The following COPS7A variants were observed in gnomAD, a reference collection of about 807,000 sequenced individuals.
COPS7A encodes COP9 signalosome subunit 7A, also known as COP9 signalosome complex subunit 7a.
Under a neutral mutation model 35.2 loss-of-function variants are expected in COPS7A, and 20 were observed. That is an observed-to-expected ratio of 0.57 (90% CI 0.40 to 0.83). The LOEUF is 0.83. COPS7A is among the 40% of genes least tolerant of loss of function. COPS7A has a pLI of 0.00. For missense variants in COPS7A, 247 were observed against 347.5 expected, an observed-to-expected ratio of 0.71 and a Z score of 2.30; for synonymous variants, 139 against 141.4, an observed-to-expected ratio of 0.98 and a Z score of 0.12.
Position 6,730,745 on chromosome 12 carries a change from A to G in COPS7A, c.713A>G (p.His238Arg). 1.2e-6 allele frequency: 2 copies of G among 1,614,120 alleles called. No homozygotes were observed. The highest frequency in any genetic ancestry group is 1.7e-6 in the Non-Finnish European group (2 of 1,180,018). Residue 238 changes from histidine (H) to arginine (R), a missense_variant, in exon 7 of 8, where the codon CAC becomes CGC. Physicochemically the swap from His to Arg is conservative, Grantham distance 29. Coordinates refer to ENST00000543155, the MANE Select transcript of COPS7A (RefSeq NM_001164094.2). The part of the protein sequence containing the change: ...AAATSQDPEQ[H>R]LTELREPAPG... ...GCCACATCTCAGGACCCTGAGCAAC[A>G]CCTGACTGAGCTGAGGGAACCAGCT...
In COPS7A at chr12:6,729,195, C is replaced by T. The variant is rs368131270; in HGVS notation, c.328-52C>T. 1.7e-3 allele frequency: 2,721 copies of T among 1,590,206 alleles called. 6 individuals carry two copies. Among genetic ancestry groups the T allele is most frequent in the Non-Finnish European group, 2.0e-3 (2,281 of 1,159,530 alleles). ...AAAAGGAGGGAAGATTTTTGGAAGC[C>T]CTTCTCTACTACGGAGCGTCACAAA... On this transcript the variant is annotated intron_variant, in intron 4 of 7. Coordinates refer to ENST00000543155, the MANE Select transcript of COPS7A (RefSeq NM_001164094.2). This position sits in a 1 kb window ranked among gnomAD's most constrained non-coding sequence, Gnocchi z 4.2.
intron 7 of COPS7A, 32 bp downstream of exon 7, chr12:6,730,852 C>G: frequency 6.2e-7 from 1 of 1,612,008 alleles, no homozygotes; most frequent in Non-Finnish European, 8.5e-7. Context: ...TGCTCACTTG[C>G]AGGGTGCCCT....
chr12:6,724,754 A>C lies in COPS7A; in HGVS notation c.98A>C (p.Gln33Pro). The C allele has an allele frequency of 6.2e-7, 1 of 1,614,160 alleles. No homozygotes were observed. Among genetic ancestry groups the C allele is most frequent in the Non-Finnish European group, 8.5e-7 (1 of 1,180,024 alleles). Residue 33 changes from glutamine (Q) to proline (P), a missense_variant, in exon 2 of 8, where the codon CAG becomes CCG. Transcript: ENST00000543155. ...KGAALATLIH[Q>P]VLEAPGVYVF... ...GCAGCGCTGGCCACACTCATCCATC[A>C]GGTGCTGGAGGCCCCTGGTGTCTAC...
In COPS7A at chr12:6,729,020, G is replaced by C; in HGVS notation, c.328-227G>C. The C allele has an allele frequency of 1.8e-6, 1 of 544,508 alleles. No homozygotes were observed. The highest frequency in any genetic ancestry group is 3.3e-6 in the Non-Finnish European group (1 of 302,650). 33.7% of individuals were successfully genotyped at this position (544,508 alleles called of 1,614,324 possible). On this transcript the variant is annotated intron_variant, in intron 4 of 7. Coordinates refer to ENST00000543155, the MANE Select transcript of COPS7A (RefSeq NM_001164094.2). This position sits in a 1 kb window ranked among gnomAD's most constrained non-coding sequence, Gnocchi z 4.2. ...TGGTGTGTCAGGGGTGAGGGTGTTA[G>C]GGGAGCATTTTGTATTTTATTTAAG...
At chr12:6,730,313 T>C in intron 5 of COPS7A, 89 bp from the exon 6 acceptor site, 1 of 1,264,968 alleles carries the variant, frequency 7.9e-7, no homozygotes, top group South Asian at 1.2e-5. Context: ...TACTGCGCCC[T>C]GCCTCTAGGG....
At chr12:6,727,863 G>C (rs2137752319) in intron 2 of COPS7A, 63 bp from the exon 3 acceptor site, 2 of 1,518,842 alleles carry the variant, frequency 1.3e-6, no homozygotes, top group Admixed American at 1.7e-5. Context: ...TTCCAAACAG[G>C]GTAAGGCTGG....
In COPS7A at chr12:6,730,962, C is replaced by T. The variant is rs1485305103; in HGVS notation, c.789-38C>T. On this transcript the variant is annotated intron_variant, in intron 7 of 7. Coordinates refer to ENST00000543155, the MANE Select transcript of COPS7A (RefSeq NM_001164094.2). ...CAGGGGTTAGGGGATTCCCTGCATT[C>T]TCTCTCTCTCTCTCTTTCTCTCTCT... The T allele has an allele frequency of 3.3e-6, 3 of 902,946 alleles. No individual in the cohort carries two copies. In the African/African-American group the frequency reaches 5.1e-5, roughly 15 times the overall value. 55.9% of individuals were successfully genotyped at this position (902,946 alleles called of 1,614,324 possible). A position where few individuals can be genotyped will look rare whatever the true frequency, so the allele number is the denominator to read the frequency against.
chr12:6,725,733 C>T (rs1941236988), intron 2 of COPS7A: 2 of 455,928 alleles, frequency 4.4e-6, no homozygotes, highest in South Asian at 3.1e-5. Context: ...GAGGAGGCAG[C>T]CTGAGTCCTG....
rs750727471 is a variant in COPS7A, at chr12:6,730,701, G to T, written c.669G>T (p.Thr223=). The part of the protein sequence containing the change: ...VANLKKTIKV[T]TAAAAAATSQ... The stretch of plus-strand genomic sequence containing the variant: ...ACCTTAAAAAAACCATTAAAGTTAC[G>T]ACGGCAGCAGCAGCCGCAGCCACAT... Residue 223 remains threonine (T), a synonymous_variant, in exon 7 of 8, where the codon ACG becomes ACT. Coordinates refer to ENST00000543155, the MANE Select transcript of COPS7A (RefSeq NM_001164094.2). 2 of 1,613,930 alleles carry T rather than the reference G, an allele frequency of 1.2e-6. No individual in the cohort carries two copies. The highest frequency in any genetic ancestry group is 1.7e-5 in the Admixed American group (1 of 59,992).
chr12:6,725,513 T>A (rs1941231117), intron 2 of COPS7A: 3 of 429,596 alleles, frequency 7.0e-6, no homozygotes, highest in Non-Finnish European at 9.6e-6. Context: ...GGGAATAAAG[T>A]GAGATTATGG....
Position 6,731,013 on chromosome 12 carries a change from G to A in COPS7A, c.802G>A (p.Ala268Thr), listed in dbSNP as rs370260459. 33 of 1,613,730 alleles carry A rather than the reference G, an allele frequency of 2.0e-5. No homozygotes were observed. The highest frequency in any genetic ancestry group is 1.6e-4 in the East Asian group (7 of 44,858). The change falls in exon 8 of 8, where the codon GCC becomes ACC. Residue 268 changes from alanine (A) to threonine (T), a missense_variant. By Grantham distance (58) the Ala-to-Thr change is moderately conservative. Transcript: ENST00000543155. Reference sequence around the variant, plus strand: ...TCTCCTTGCCAGGCTCCGAGGGAGCGCCAAGATTTGGTCCAAGTCGAATTG... The same window carrying A: ...TCTCCTTGCCAGGCTCCGAGGGAGCACCAAGATTTGGTCCAAGTCGAATTG... The part of the protein sequence containing the change: ...ASKGKGLRGS[A>T]KIWSKSN
chr12:6,725,746 A>G (rs886782322), intron 2 of COPS7A: 7 of 455,956 alleles, frequency 1.5e-5, no homozygotes, highest in African/African-American at 2.0e-5. Flanking sequence ...GAGTCCTGAC[A>G]TGCTGACAGT....
Position 6,729,166 on chromosome 12 carries a change from G to A in COPS7A, c.328-81G>A, listed in dbSNP as rs945020303. 6.8e-7 allele frequency: 1 copy of A among 1,460,696 alleles called. No homozygotes were observed. The highest frequency in any genetic ancestry group is 9.6e-7 in the Non-Finnish European group (1 of 1,044,978). The allele number at this position is 1,460,696 out of a possible 1,614,324, so 90.5% of individuals were successfully genotyped here. ...GTGGAGGGCAGGTGGGCTAGGGCAG[G>A]GGGAAAAGGAGGGAAGATTTTTGGA... On this transcript the variant is annotated intron_variant, in intron 4 of 7. Coordinates refer to ENST00000543155, the MANE Select transcript of COPS7A (RefSeq NM_001164094.2). This position sits in a 1 kb window ranked among gnomAD's most constrained non-coding sequence, Gnocchi z 4.2.
In COPS7A at chr12:6,725,574, G is replaced by T. The variant is rs1460465893; in HGVS notation, c.162+756G>T. ...GAGAGTGAACATGTTAAATTAGCAT[G>T]CCCTTTTCTTCCCTATGTGCAGCAT... On this transcript the variant is annotated intron_variant, in intron 2 of 7. Transcript: ENST00000543155. 8.8e-6 allele frequency: 4 copies of T among 454,254 alleles called. No individual in the cohort carries two copies. In the East Asian group the frequency reaches 2.1e-4, roughly 24 times the overall value. The allele number at this position is 454,254 out of a possible 1,614,324, so 28.1% of individuals were successfully genotyped here. A position where few individuals can be genotyped will look rare whatever the true frequency, so the allele number is the denominator to read the frequency against.
intron 7 of COPS7A, 48 bp downstream of exon 7, chr12:6,730,868 T>A: frequency 2.5e-6 from 4 of 1,608,594 alleles, no homozygotes; most frequent in Non-Finnish European, 2.5e-6. Flanking sequence ...GCCCTGCTTT[T>A]ACCCCAGGGA....
intron 2 of COPS7A, 65 bp downstream of exon 2, chr12:6,724,883 G>A: frequency 1.3e-6 from 2 of 1,538,706 alleles, no homozygotes; most frequent in Non-Finnish European, 1.8e-6. Context: ...GAGAATGGGT[G>A]GGCAGGGCTC....
Position 6,730,404 on chromosome 12 carries a change from G to A in COPS7A, c.533G>A (p.Cys178Tyr). ...SAIARTLQEW[C>Y]VGCEVVLSGI... is the part of the protein sequence containing the mutation. Reference sequence around the variant, plus strand: ...CTTCTCTCCCCTGACTCCTGCAGGTGTGTGGGCTGTGAGGTCGTGCTGTCA... The same window carrying A: ...CTTCTCTCCCCTGACTCCTGCAGGTATGTGGGCTGTGAGGTCGTGCTGTCA... Residue 178 changes from cysteine to tyrosine, a missense_variant and splice_region_variant, in exon 6 of 8, where the codon TGT becomes TAT. Physicochemically the swap from Cys to Tyr is radical, Grantham distance 194 (BLOSUM62 -2). Transcript: ENST00000543155. The A allele has an allele frequency of 1.2e-6, 2 of 1,614,012 alleles. No individual in the cohort carries two copies.
intron 2 of COPS7A, among the ~76,000 whole-genome samples, chr12:6,725,464 T>C (rs995116172): frequency 3.9e-5 from 6 of 152,128 alleles, no homozygotes; most frequent in Non-Finnish European, 7.3e-5. Flanking sequence ...GCCAACTTTC[T>C]CTTTTAAAAA....
rs770952842 is a variant in COPS7A at position 6,729,518 on chromosome 12, AGG to A, written c.530+71_530+72del. 2 of 1,515,044 alleles carry A rather than the reference AGG, an allele frequency of 1.3e-6. No individual in the cohort carries two copies. The highest frequency in any genetic ancestry group is 1.8e-6 in the Non-Finnish European group (2 of 1,116,216). The allele number at this position is 1,515,044 out of a possible 1,614,324, so 93.9% of individuals were successfully genotyped here. A position where few individuals can be genotyped will look rare whatever the true frequency, so the allele number is the denominator to read the frequency against. ...AGAGAAAGGCGCTTCAGGGTGAGAG[AGG>A]GCAGGAGCTGGGCTGGTCCGCAGAG... On this transcript the variant is annotated intron_variant, in intron 5 of 7. Transcript: ENST00000543155. The surrounding 1 kb of genome is among the most constrained non-coding windows in gnomAD (Gnocchi z 4.2).
Sources: allele counts gnomAD v4.1 joint callset (sites outside exome capture counted in the v4.1 genomes callset), GRCh38; gene constraint gnomAD v4.1.1; non-coding constraint Gnocchi (gnomAD v3.1); transcripts MANE v1.5; gene names NCBI Gene and HGNC (gene_info 2026-07-23, HGNC 2026-07-21).